PHF14: variants seen among roughly 807,000 people sequenced by gnomAD.
PHF14 encodes PHD finger protein 14.
Under a neutral mutation model 117.9 loss-of-function variants are expected in PHF14, and 55 were observed. That is an observed-to-expected ratio of 0.47 (90% CI 0.38 to 0.58). The LOEUF is 0.58. Ranked by LOEUF, PHF14 falls within the 20% of genes least tolerant of loss-of-function variation. The pLI is 0.00. For synonymous variants in PHF14, 409 were observed against 368.6 expected, an observed-to-expected ratio of 1.11 and a Z score of -1.26; for missense variants, 978 against 1,122.2, an observed-to-expected ratio of 0.87 and a Z score of 1.84.
chr7:11,063,889 A>G (rs952924291), intron 16 of PHF14, among the ~76,000 whole-genome samples: 38 of 151,884 alleles, frequency 2.5e-4, no homozygotes, highest in South Asian at 2.1e-4. Flanking sequence ...TTATTACAAT[A>G]TGCCAATGTC....
intron 16 of PHF14, among the ~76,000 whole-genome samples, chr7:11,068,786 G>T (rs991163750): frequency 8.5e-5 from 13 of 152,208 alleles, no homozygotes; most frequent in African/African-American, 3.1e-4. Flanking sequence ...TTTAGTGGCA[G>T]GGAAAGGGGC....
At chr7:11,071,826 G>A (rs2128333272) in intron 16 of PHF14, among the ~76,000 whole-genome samples, 1 of 152,272 alleles carries the variant, frequency 6.6e-6, no homozygotes, top group East Asian at 1.9e-4. Flanking sequence ...TTAAAGAAGT[G>A]TTAAAGTGAC....
intron 17 of PHF14, among the ~76,000 whole-genome samples, chr7:11,143,703 G>C (rs748151575): frequency 6.6e-6 from 1 of 152,050 alleles, no homozygotes; most frequent in Non-Finnish European, 1.5e-5. Context: ...CATCTTGTAA[G>C]TGTAACACCC....
chr7:10,975,016 C>T (rs1412021400), intron 2 of PHF14, 71 bp downstream of exon 2: 3 of 797,226 alleles, frequency 3.8e-6, no homozygotes, highest in South Asian at 1.6e-5. Context: ...CTTTTTAAAT[C>T]GGTTTTGATT....
intron 13 of PHF14, among the ~76,000 whole-genome samples, chr7:11,051,257 C>G (rs1394212992): frequency 6.6e-6 from 1 of 151,666 alleles, no homozygotes; most frequent in Non-Finnish European, 1.5e-5. Context: ...TGTGAGCAGT[C>G]ATCCTGCCTC....
At chr7:11,075,514 C>A (rs1785804745) in intron 16 of PHF14, among the ~76,000 whole-genome samples, 1 of 147,114 alleles carries the variant, frequency 6.8e-6, no homozygotes, top group South Asian at 2.2e-4. Flanking sequence ...TCTTAACTAG[C>A]TTTTGTGTGA....
intron 16 of PHF14, chr7:11,102,869 G>T: frequency 8.8e-7 from 1 of 1,139,872 alleles, no homozygotes; most frequent in Non-Finnish European, 1.1e-6. Flanking sequence ...TTTCCCTCTT[G>T]CTTCTTTGGC....
At chr7:11,017,221 A>C (rs780494306) in intron 5 of PHF14, among the ~76,000 whole-genome samples, 6 of 152,196 alleles carry the variant, frequency 3.9e-5, no homozygotes, top group South Asian at 2.1e-4. Flanking sequence ...AGGAGTGCAG[A>C]TATCTCTTTA....
At chr7:11,120,976 T>A (rs746147409) in intron 17 of PHF14, among the ~76,000 whole-genome samples, 39 of 152,112 alleles carry the variant, frequency 2.6e-4, no homozygotes, top group Admixed American at 1.5e-3. Flanking sequence ...TTTGTCAAGG[T>A]CATTAAAACT....
At chr7:11,136,797 T>C (rs1788232683) in intron 17 of PHF14, among the ~76,000 whole-genome samples, 1 of 152,172 alleles carries the variant, frequency 6.6e-6, no homozygotes, top group Non-Finnish European at 1.5e-5. Flanking sequence ...TGTCTAGATA[T>C]TTAGTTAGAC....
At chr7:10,983,609 T>C (rs1310206440) in intron 3 of PHF14, among the ~76,000 whole-genome samples, 9 of 152,210 alleles carry the variant, frequency 5.9e-5, no homozygotes, top group African/African-American at 2.2e-4. Context: ...CTAATGATTT[T>C]CTGAAACCTT....
Position 11,040,701 on chromosome 7 carries a change from A to G in PHF14, c.2106A>G (p.Ala702=). 1.9e-6 allele frequency: 3 copies of G among 1,565,012 alleles called. No individual in the cohort carries two copies. Among genetic ancestry groups the G allele is most frequent in the Non-Finnish European group, 2.6e-6 (3 of 1,153,938 alleles). The change falls in exon 12 of 18, where the codon GCA becomes GCG. Residue 702 remains alanine, a synonymous_variant. Transcript: ENST00000634607. ...TGAATATACCGGCAATTTTGCGAGC[A>G]CCCAAGGAGAGAAAACCAAGTAAAA... ...QKLNIPAILR[A]PKERKPSKKE...
At chr7:11,154,169 T>C (rs1349386011) in intron 17 of PHF14, among the ~76,000 whole-genome samples, 1 of 150,004 alleles carries the variant, frequency 6.7e-6, no homozygotes. Flanking sequence ...TGACTTGGAC[T>C]ATTATTTACT....
chr7:11,088,565 C>T (rs1786512674), intron 16 of PHF14, among the ~76,000 whole-genome samples: 1 of 151,992 alleles, frequency 6.6e-6, no homozygotes, highest in African/African-American at 2.4e-5. Context: ...CCTGCTTTTT[C>T]ATTTTAATGA....
intron 14 of PHF14, among the ~76,000 whole-genome samples, chr7:11,053,491 C>T (rs55970254): frequency 0.017 from 2,560 of 151,972 alleles, 73 homozygotes; most frequent in African/African-American, 0.059. Flanking sequence ...GTTTCTATTT[C>T]TAAAATATTT....
chr7:11,040,091 A>G (rs1210215464), intron 11 of PHF14, among the ~76,000 whole-genome samples: 1 of 152,172 alleles, frequency 6.6e-6, no homozygotes, highest in Non-Finnish European at 1.5e-5. Context: ...ACACAGCAGA[A>G]GTAGAATTCA....
At chr7:11,109,992 A>G (rs779798351) in intron 16 of PHF14, 2 of 151,892 alleles carry the variant, frequency 1.3e-5, no homozygotes, top group Non-Finnish European at 2.9e-5. Flanking sequence ...ACTTCTTTAT[A>G]TCTGAGTAAC....
chr7:11,003,247 C>G (rs1782945391), intron 4 of PHF14, among the ~76,000 whole-genome samples: 1 of 152,162 alleles, frequency 6.6e-6, no homozygotes, highest in Non-Finnish European at 1.5e-5. Context: ...TAAAATCAGT[C>G]CCTTAAAATA....
At chr7:11,008,135 C>T (rs1028787211) in intron 4 of PHF14, among the ~76,000 whole-genome samples, 1 of 152,034 alleles carries the variant, frequency 6.6e-6, no homozygotes, top group Admixed American at 6.5e-5. Flanking sequence ...CAGCAGTTGC[C>T]CTCAGGTTTA....
Sources: allele counts gnomAD v4.1 joint callset (sites outside exome capture counted in the v4.1 genomes callset), GRCh38; gene constraint gnomAD v4.1.1; transcripts MANE v1.5; gene names NCBI Gene and HGNC (gene_info 2026-07-23, HGNC 2026-07-21).